The following ANKRD6 variants were observed in gnomAD, a reference collection of about 807,000 sequenced individuals.
ANKRD6 encodes ankyrin repeat domain 6.
Under a neutral mutation model 82.3 loss-of-function variants are expected in ANKRD6, and 56 were observed. That is an observed-to-expected ratio of 0.68 (90% CI 0.55 to 0.85). The LOEUF (loss-of-function observed/expected upper bound fraction) is 0.85. ANKRD6 is among the 40% of genes least tolerant of loss of function. The probability of loss-of-function intolerance (pLI) is 0.00; values close to 1 mark genes in which losing one functional copy is unlikely to be tolerated. For synonymous variants in ANKRD6, 347 were observed against 352.1 expected, an observed-to-expected ratio of 0.99 and a Z score of 0.16; for missense variants, 852 against 907.6, an observed-to-expected ratio of 0.94 and a Z score of 0.79.
intron 9 of ANKRD6, among the ~76,000 whole-genome samples, chr6:89,620,585 A>G (rs1018564091): frequency 1.3e-5 from 2 of 152,086 alleles, no homozygotes; most frequent in African/African-American, 4.8e-5. Flanking sequence ...ACTATTACGG[A>G]CCAGAGATTG....
rs181217772 is a variant in ANKRD6, at chr6:89,502,166, A to G, written c.-143-64668A>G. Among the ~76,000 whole-genome samples, 4 of 152,362 alleles carry G rather than the reference A, an allele frequency of 2.6e-5. No homozygotes were observed. In the East Asian group the frequency reaches 7.7e-4, roughly 29 times the overall value. ...ATGTTTCTTCATAGCAACCATGGTAATTATTAGGATAGTAGGCATATCTGG... is the reference window on the plus strand; with the variant it reads ...ATGTTTCTTCATAGCAACCATGGTAGTTATTAGGATAGTAGGCATATCTGG... On this transcript the variant is annotated intron_variant, in intron 1 of 15. Coordinates refer to ENST00000339746, the MANE Select transcript of ANKRD6 (RefSeq NM_001242809.2).
At position 89,613,680 on chromosome 6, in the gene ANKRD6, C is replaced by T. The variant is rs1020963956; in HGVS notation, c.517-112C>T. 77 of 956,742 alleles carry T rather than the reference C, an allele frequency of 8.0e-5. No homozygotes were observed. The African/African-American group carries it at 1.1e-3, about 13-fold the overall frequency. 59.3% of individuals were successfully genotyped at this position (956,742 alleles called of 1,614,324 possible). A position where few individuals can be genotyped will look rare whatever the true frequency, so the allele number is the denominator to read the frequency against. On this transcript the variant is annotated intron_variant, in intron 6 of 15. Transcript: ENST00000339746. The stretch of plus-strand genomic sequence containing the variant: ...ATGTTAAAAGAGCTGCTTATGATTC[C>T]CTAAAGAGTACATGATAGTCTGCTA...
Position 89,603,061 on chromosome 6 carries a change from G to C in ANKRD6, c.252G>C (p.Val84=), listed in dbSNP as rs758279088. Residue 84 remains valine, a synonymous_variant, in exon 4 of 16, where the codon GTG becomes GTC. Transcript: ENST00000339746. ...AGACCGCCTTGCACCGGGCCACAGTGGTGGGGAACACGGAGATCATCGCGG... is the reference window on the plus strand; with the variant it reads ...AGACCGCCTTGCACCGGGCCACAGTCGTGGGGAACACGGAGATCATCGCGG... The part of the protein sequence containing the change: ...GDQTALHRAT[V]VGNTEIIAAL... 7 of 1,608,934 alleles carry C rather than the reference G, an allele frequency of 4.4e-6. No homozygotes were observed. The highest frequency in any genetic ancestry group is 2.2e-5 in the South Asian group (2 of 89,448).
chr6:89,572,641 A>G (rs144237428), intron 2 of ANKRD6, among the ~76,000 whole-genome samples: 7 of 152,296 alleles, frequency 4.6e-5, no homozygotes, highest in East Asian at 3.9e-4. Flanking sequence ...TAGAAGCTTT[A>G]TAGATTTGGA....
intron 5 of ANKRD6, 83 bp from the exon 6 acceptor site, chr6:89,612,189 A>G: frequency 7.9e-7 from 1 of 1,258,852 alleles, no homozygotes; most frequent in Non-Finnish European, 1.1e-6. Flanking sequence ...TCCCCCGAGT[A>G]AGTACTGCCC....
In ANKRD6 at chr6:89,632,434, G is replaced by C. The variant is rs934386056; in HGVS notation, c.*1430G>C. 3 of 151,746 alleles carry C rather than the reference G, an allele frequency of 2.0e-5. No homozygotes were observed. The highest frequency in any genetic ancestry group is 4.4e-5 in the Non-Finnish European group (3 of 67,974). The allele number at this position is 151,746 out of a possible 1,614,324, so 9.4% of individuals were successfully genotyped here. A position where few individuals can be genotyped will look rare whatever the true frequency, so the allele number is the denominator to read the frequency against. On this transcript the variant is annotated 3_prime_UTR_variant, in exon 16 of 16. Coordinates refer to ENST00000339746, the MANE Select transcript of ANKRD6 (RefSeq NM_001242809.2). Reference sequence around the variant, plus strand: ...GAATGAATTTGATGTTTTTTATTTTGTTGAGACAGGGTCTTGCTCTGTCAC... The same window carrying C: ...GAATGAATTTGATGTTTTTTATTTTCTTGAGACAGGGTCTTGCTCTGTCAC...
At chr6:89,557,558 TTACGTCAATG>T (rs373128172) in intron 1 of ANKRD6, among the ~76,000 whole-genome samples, 11 of 152,280 alleles carry the variant, frequency 7.2e-5, no homozygotes, top group Non-Finnish European at 1.5e-4. Flanking sequence ...CATTTGGCAA[TTACGTCAATG>T]TAAAACCAGC....
chr6:89,435,293 C>G (rs1770494581), intron 1 of ANKRD6, among the ~76,000 whole-genome samples: 1 of 152,162 alleles, frequency 6.6e-6, no homozygotes. Flanking sequence ...GGCTGAAGAA[C>G]TAGAACATCG....
intron 1 of ANKRD6, among the ~76,000 whole-genome samples, chr6:89,550,113 G>GGT (rs1271337423): frequency 6.6e-6 from 1 of 151,822 alleles, no homozygotes; most frequent in African/African-American, 2.4e-5. Flanking sequence ...AAGAAAGAAA[G>GGT]AAACCAGCTA....
chr6:89,589,914 G>A (rs1794538759), intron 2 of ANKRD6, among the ~76,000 whole-genome samples: 2 of 152,190 alleles, frequency 1.3e-5, no homozygotes, highest in Admixed American at 1.3e-4. Context: ...AAGTCAGGGT[G>A]AATACTGCCT....
intron 1 of ANKRD6, among the ~76,000 whole-genome samples, chr6:89,551,060 A>T (rs1208667258): frequency 1.3e-5 from 2 of 152,256 alleles, no homozygotes; most frequent in Admixed American, 6.5e-5. Context: ...CTTAAACATG[A>T]TACAGACTAT....
chr6:89,511,767 A>G (rs1780578466), intron 1 of ANKRD6, among the ~76,000 whole-genome samples: 1 of 152,176 alleles, frequency 6.6e-6, no homozygotes, highest in Non-Finnish European at 1.5e-5. Flanking sequence ...CAAAAGAACT[A>G]CATTTTTTTG....
rs1807845072 is a variant in ANKRD6 at position 89,633,687 on chromosome 6, C to G, written c.*2683C>G. 6.6e-6 allele frequency: 1 copy of G among 151,992 alleles called. No individual in the cohort carries two copies. Among genetic ancestry groups the G allele is most frequent in the Non-Finnish European group, 1.5e-5 (1 of 67,976 alleles). The allele number at this position is 151,992 out of a possible 1,614,324, so 9.4% of individuals were successfully genotyped here. On this transcript the variant is annotated 3_prime_UTR_variant, in exon 16 of 16. Transcript: ENST00000339746. ...AGGGAGTGTTGTTTTCATGGTTATGCCTTGTTTGTGGAGTCAAGTGTTGAT... is the reference window on the plus strand; with the variant it reads ...AGGGAGTGTTGTTTTCATGGTTATGGCTTGTTTGTGGAGTCAAGTGTTGAT...
chr6:89,527,492 G>GA (rs1361566806), intron 1 of ANKRD6, among the ~76,000 whole-genome samples: 1 of 150,578 alleles, frequency 6.6e-6, no homozygotes, highest in African/African-American at 2.4e-5. Context: ...TACTTGGGAG[G>GA]CTGAGGCAGG....
At chr6:89,556,172 C>T (rs1241299871) in intron 1 of ANKRD6, among the ~76,000 whole-genome samples, 1 of 152,258 alleles carries the variant, frequency 6.6e-6, no homozygotes, top group African/African-American at 2.4e-5. Context: ...CTGTTCTCAA[C>T]CTTTGCCATC....
At chr6:89,608,368 C>CTATATATATA (rs1554260576) in intron 5 of ANKRD6, among the ~76,000 whole-genome samples, 1 of 130,738 alleles carries the variant, frequency 7.6e-6, no homozygotes, top group African/African-American at 3.1e-5. Flanking sequence ...CACACACACA[C>CTATATATATA]TATATATATA....
intron 13 of ANKRD6, among the ~76,000 whole-genome samples, 152 bp from the exon 14 acceptor site, chr6:89,627,431 T>C (rs963787540): frequency 6.6e-6 from 1 of 152,234 alleles, no homozygotes. Context: ...AAGAGTTCCA[T>C]GAGTCCTACA....
At chr6:89,630,403 C>A in intron 15 of ANKRD6, 30 bp from the exon 16 acceptor site, 1 of 1,587,184 alleles carries the variant, frequency 6.3e-7, no homozygotes, top group Non-Finnish European at 8.6e-7. Context: ...TGTGGATTTG[C>A]TCTCACGTTT....
chr6:89,614,360 T>G (rs981230501), intron 7 of ANKRD6, among the ~76,000 whole-genome samples: 1 of 151,952 alleles, frequency 6.6e-6, no homozygotes, highest in Non-Finnish European at 1.5e-5. Flanking sequence ...TTTTTAAAAA[T>G]TTGGCCGGCC....
Sources: allele counts gnomAD v4.1 joint callset (sites outside exome capture counted in the v4.1 genomes callset), GRCh38; gene constraint gnomAD v4.1.1; transcripts MANE v1.5; gene names NCBI Gene and HGNC (gene_info 2026-07-23, HGNC 2026-07-21).